DNAAF19: variants seen among roughly 807,000 people sequenced by gnomAD.
DNAAF19 encodes dynein axonemal assembly factor 19, also known as coiled-coil domain containing 103.
chr17:44,903,529 T>C, the DNAAF19 span: 1 of 1,321,346 alleles, frequency 7.6e-7, no homozygotes, highest in Non-Finnish European at 9.6e-7. Flanking sequence ...TCCGGTTTCC[T>C]TTGACCCATT....
the DNAAF19 span, chr17:44,905,025 G>A: frequency 2.3e-5 from 35 of 1,549,696 alleles, no homozygotes; most frequent in East Asian, 3.2e-4. Context: ...CACTTCTGTC[G>A]TTGCTGCTGC....
chr17:44,903,346 C>T, the DNAAF19 span: 1 of 1,247,106 alleles, frequency 8.0e-7, no homozygotes, highest in East Asian at 3.1e-5. Flanking sequence ...TGGGAAAGTC[C>T]CAAGCCATCA....
chr17:44,903,334 C>T, the DNAAF19 span: 2 of 1,247,186 alleles, frequency 1.6e-6, no homozygotes, highest in African/African-American at 1.5e-5. Context: ...GCAGGTTGGG[C>T]CTGGGAAAGT....
chr17:44,905,013 T>C, the DNAAF19 span: 7 of 1,550,606 alleles, frequency 4.5e-6, no homozygotes, highest in African/African-American at 4.1e-5. Flanking sequence ...TTTGTCACCA[T>C]TCACTTCTGT....
the DNAAF19 span, chr17:44,901,283 T>G: frequency 4.7e-6 from 5 of 1,071,762 alleles, no homozygotes; most frequent in South Asian, 4.7e-5. Context: ...CTTCTCTGAG[T>G]CTCAATTATT....
chr17:44,901,765 CTTTA>C, the DNAAF19 span: 2 of 1,221,064 alleles, frequency 1.6e-6, no homozygotes, highest in Non-Finnish European at 2.3e-6. Flanking sequence ...CATACCTCTT[CTTTA>C]TTTGTCATGT....
chr17:44,905,042 T>C, the DNAAF19 span: 5 of 1,547,578 alleles, frequency 3.2e-6, no homozygotes, highest in Middle Eastern at 1.7e-4. Context: ...CTGCTACTTA[T>C]TTCACTGTTG....
the DNAAF19 span, chr17:44,901,216 T>C: frequency 1.3e-6 from 2 of 1,537,060 alleles, no homozygotes; most frequent in Non-Finnish European, 1.8e-6. Context: ...ATCAAACCAT[T>C]CTGGGCTTCA....
the DNAAF19 span, chr17:44,902,247 T>C: frequency 1.4e-6 from 2 of 1,383,188 alleles, no homozygotes; most frequent in East Asian, 2.3e-5. Context: ...GCTTTCCCAG[T>C]GCTCAGACAG....
At chr17:44,901,113 C>T in the DNAAF19 span, 1 of 1,607,998 alleles carries the variant, frequency 6.2e-7, no homozygotes, top group South Asian at 1.1e-5. Flanking sequence ...GGCAGTGGAA[C>T]AGAGGGTGGC....
the DNAAF19 span, among the ~76,000 whole-genome samples, chr17:44,900,777 A>G: frequency 6.6e-6 from 1 of 152,178 alleles, no homozygotes; most frequent in Non-Finnish European, 1.5e-5. Flanking sequence ...TCTGTATTCT[A>G]TTTTCAGGGA....
the DNAAF19 span, chr17:44,901,240 C>A: frequency 7.2e-7 from 1 of 1,387,660 alleles, no homozygotes; most frequent in East Asian, 2.4e-5. Flanking sequence ...CTGGCCCCAC[C>A]GTCTACTGTT....
At chr17:44,904,851 G>A in the DNAAF19 span, 1 of 1,550,630 alleles carries the variant, frequency 6.4e-7, no homozygotes, top group Non-Finnish European at 8.7e-7. Context: ...GATGACCGGG[G>A]CATCTACTAT....
the DNAAF19 span, chr17:44,902,928 C>A: frequency 4.2e-6 from 6 of 1,434,614 alleles, no homozygotes; most frequent in Non-Finnish European, 5.5e-6. Context: ...GTTCCCTTCT[C>A]AACTTGGAAT....
At chr17:44,905,300 CAT>C in the DNAAF19 span, 1 of 550,154 alleles carries the variant, frequency 1.8e-6, no homozygotes, top group Non-Finnish European at 3.3e-6. Context: ...AAGTAGGGCA[CAT>C]GTGTTTCCTG....
At chr17:44,902,357 TG>T in the DNAAF19 span, 1 of 1,614,188 alleles carries the variant, frequency 6.2e-7, no homozygotes, top group Non-Finnish European at 8.5e-7. Context: ...CCTTCCTTTG[TG>T]GTCCAGGAGA....
At chr17:44,901,047 C>T in the DNAAF19 span, 5 of 1,598,772 alleles carry the variant, frequency 3.1e-6, no homozygotes, top group African/African-American at 5.4e-5. Context: ...GAAAGAGCTG[C>T]AGGCTGCACT....
the DNAAF19 span, chr17:44,904,064 C>T: frequency 1.3e-6 from 2 of 1,550,552 alleles, no homozygotes; most frequent in African/African-American, 1.4e-5. Context: ...CACCAAAGTG[C>T]TGACGGACTT....
At chr17:44,904,912 T>A in the DNAAF19 span, 1 of 1,550,592 alleles carries the variant, frequency 6.4e-7, no homozygotes, top group Non-Finnish European at 8.7e-7. Flanking sequence ...GTGTGACATC[T>A]CATGGGCACT....
Sources: allele counts gnomAD v4.1 joint callset (sites outside exome capture counted in the v4.1 genomes callset), GRCh38; gene constraint gnomAD v4.1.1; transcripts MANE v1.5; gene names NCBI Gene and HGNC (gene_info 2026-07-23, HGNC 2026-07-21).